CPSF3: variants seen among roughly 807,000 people sequenced by gnomAD.
The protein encoded by CPSF3 is cleavage and polyadenylation specificity factor subunit 3.
A neutral mutation model predicts 84.1 loss-of-function variants in CPSF3; 57 were observed. That is an observed-to-expected ratio of 0.68 (90% CI 0.55 to 0.85). CPSF3 has a LOEUF of 0.85. Ranked by LOEUF, CPSF3 falls within the 40% of genes least tolerant of loss-of-function variation. The probability of loss-of-function intolerance (pLI) is 0.00; values close to 1 mark genes in which losing one functional copy is unlikely to be tolerated. For missense variants in CPSF3, 522 were observed against 838.8 expected (o/e 0.62, Z 4.66); for synonymous variants, 275 against 278.1 (o/e 0.99, Z 0.11).
At chr2:9,423,946 G>A in intron 1 of CPSF3, 123 bp downstream of exon 1, 1 of 1,482,460 alleles carries the variant, frequency 6.7e-7, no homozygotes. Flanking sequence ...TTTGGTCCGC[G>A]CTTGCGGGCC....
chr2:9,466,410 A>ACG (rs1558466824), intron 15 of CPSF3, among the ~76,000 whole-genome samples: 33 of 142,290 alleles, frequency 2.3e-4, no homozygotes, highest in African/African-American at 8.8e-4. Flanking sequence ...ACGCACGCGC[A>ACG]CACACGCACA....
intron 7 of CPSF3, among the ~76,000 whole-genome samples, chr2:9,437,955 T>C (rs1680841834): frequency 6.6e-6 from 1 of 152,234 alleles, no homozygotes; most frequent in South Asian, 2.1e-4. Context: ...TGAGCCAAGA[T>C]TGTGCCACTG....
In CPSF3 at chr2:9,441,913, G is replaced by A. The variant is rs1238473671; in HGVS notation, c.1032G>A (p.Trp344Ter). 1 of 1,614,178 alleles carries A rather than the reference G, an allele frequency of 6.2e-7. No homozygotes were observed. The highest frequency in any genetic ancestry group is 8.5e-7 in the Non-Finnish European group (1 of 1,180,042). The change falls in exon 9 of 18, where the codon TGG (tryptophan) becomes TGA (stop). Residue 344 changes from tryptophan to a stop codon, truncating the protein, a stop_gained. Coordinates refer to ENST00000238112, the MANE Select transcript of CPSF3 (RefSeq NM_016207.4). LOFTEE classifies it high-confidence loss of function. The part of the protein sequence containing the change: ...SGLSRELFES[W>*]CTDKRNGVII... ...TATCCAGAGAATTATTTGAAAGCTG[G>A]TGTACTGATAAGAGGAATGGTGTCA...
intron 17 of CPSF3, among the ~76,000 whole-genome samples, chr2:9,472,658 C>T (rs1682214196): frequency 6.6e-6 from 1 of 151,804 alleles, no homozygotes; most frequent in Non-Finnish European, 1.5e-5. Context: ...GATGATTGTT[C>T]TTTTTTTTAG....
At chr2:9,444,156 AT>A (rs1558455785) in intron 10 of CPSF3, among the ~76,000 whole-genome samples, 3 of 134,876 alleles carry the variant, frequency 2.2e-5, no homozygotes, top group Admixed American at 7.2e-5. Context: ...ATATATATAT[AT>A]ATTTTTTTTT....
intron 14 of CPSF3, 119 bp downstream of exon 14, chr2:9,457,146 TA>T: frequency 5.3e-6 from 3 of 565,664 alleles, no homozygotes; most frequent in Non-Finnish European, 6.1e-6. Flanking sequence ...TTGGAAAGTA[TA>T]TGTGTGTGTG....
At chr2:9,458,670 T>C (rs948726813) in intron 14 of CPSF3, among the ~76,000 whole-genome samples, 7 of 151,800 alleles carry the variant, frequency 4.6e-5, no homozygotes, top group African/African-American at 1.7e-4. Flanking sequence ...GCCTCTATAA[T>C]TCATTCATTC....
intron 14 of CPSF3, 30 bp from the exon 15 acceptor site, chr2:9,459,501 C>T (rs772143631): frequency 6.7e-7 from 1 of 1,490,210 alleles, no homozygotes; most frequent in South Asian, 1.1e-5. Context: ...CTAGGTAGGT[C>T]ACTTCCTAAT....
At chr2:9,439,555 G>A (rs1680901977) in intron 7 of CPSF3, among the ~76,000 whole-genome samples, 1 of 151,784 alleles carries the variant, frequency 6.6e-6, no homozygotes, top group African/African-American at 2.4e-5. Context: ...GCACCTATTA[G>A]AATAAAGGGT....
chr2:9,427,273 G>A (rs370624363), intron 1 of CPSF3, among the ~76,000 whole-genome samples: 1 of 152,314 alleles, frequency 6.6e-6, no homozygotes, highest in African/African-American at 2.4e-5. Flanking sequence ...GACAGATGTG[G>A]GCAGGTTGGT....
At chr2:9,427,210 G>T (rs1418450277) in intron 1 of CPSF3, among the ~76,000 whole-genome samples, 1 of 152,186 alleles carries the variant, frequency 6.6e-6, no homozygotes, top group African/African-American at 2.4e-5. Context: ...ATGGTGGAAA[G>T]TTTCATTGTG....
intron 11 of CPSF3, among the ~76,000 whole-genome samples, chr2:9,452,066 C>T (rs1009142384): frequency 6.6e-6 from 1 of 152,046 alleles, no homozygotes; most frequent in East Asian, 1.9e-4. Flanking sequence ...TCATGGCTCA[C>T]GCATGTAATT....
At chr2:9,435,949 T>A (rs989357282) in intron 6 of CPSF3, among the ~76,000 whole-genome samples, 1 of 150,646 alleles carries the variant, frequency 6.6e-6, no homozygotes, top group Non-Finnish European at 1.5e-5. Context: ...GCCAGGCTGG[T>A]CTCAAACTGC....
intron 14 of CPSF3, 52 bp downstream of exon 14, chr2:9,457,079 A>T (rs1241115060): frequency 1.9e-6 from 2 of 1,054,028 alleles, no homozygotes; most frequent in Non-Finnish European, 1.4e-6. Context: ...TTTTAAAAAG[A>T]GTTCATGAAC....
At chr2:9,452,588 C>G (rs771274229) in intron 11 of CPSF3, among the ~76,000 whole-genome samples, 1 of 152,110 alleles carries the variant, frequency 6.6e-6, no homozygotes. Context: ...GTGCGTTTCA[C>G]GGGGACTTCC....
chr2:9,437,872 C>G (rs561515416), intron 7 of CPSF3, among the ~76,000 whole-genome samples: 2 of 152,196 alleles, frequency 1.3e-5, no homozygotes, highest in East Asian at 3.9e-4. Context: ...CGTGGTGATA[C>G]ACGCCTGTTG....
rs1681023517 is a variant in CPSF3 at position 9,443,511 on chromosome 2, A to G, written c.1096-4A>G. 6.2e-7 allele frequency: 1 copy of G among 1,603,466 alleles called. No homozygotes were observed. Among genetic ancestry groups the G allele is most frequent in the Non-Finnish European group, 8.5e-7 (1 of 1,173,562 alleles). ...GTTTTGTTATTTTTCTTTATTTTCC[A>G]CAGCACATCATGTCTGAACCTGAAG... is the stretch of plus-strand genomic sequence containing the variant. On this transcript the variant is annotated splice_polypyrimidine_tract_variant and splice_region_variant and intron_variant, in intron 9 of 17. Coordinates refer to ENST00000238112, the MANE Select transcript of CPSF3 (RefSeq NM_016207.4).
chr2:9,468,910 A>AC (rs1273956150), intron 16 of CPSF3, among the ~76,000 whole-genome samples: 2 of 151,810 alleles, frequency 1.3e-5, no homozygotes, highest in African/African-American at 2.4e-5. Context: ...AGAGGTGTGA[A>AC]CCCCCGTGCC....
At chr2:9,441,165 A>G (rs555853964) in intron 8 of CPSF3, among the ~76,000 whole-genome samples, 18 of 152,356 alleles carry the variant, frequency 1.2e-4, no homozygotes, top group African/African-American at 3.6e-4. Flanking sequence ...TGCAAATTCT[A>G]TATATGAAAA....
Sources: gnomAD v4.1 joint callset for allele counts (sites outside exome capture counted in the v4.1 genomes callset) on GRCh38, gnomAD v4.1.1 for gene constraint, MANE v1.5 for transcripts, NCBI Gene and HGNC (gene_info 2026-07-23, HGNC 2026-07-21) for gene names.